COL3A1: variants seen among roughly 807,000 people sequenced by gnomAD.
COL3A1 encodes the protein collagen alpha-1(III) chain.
COL3A1 carries 46 observed loss-of-function variants against 200.9 expected under a neutral mutation model. The ratio of observed to expected loss-of-function variants is 0.23; its 90% CI spans 0.18 to 0.29. COL3A1 has a LOEUF of 0.29. COL3A1 is among the 10% of genes least tolerant of loss of function. The probability of loss-of-function intolerance (pLI) is 1.00; values close to 1 mark genes in which losing one functional copy is unlikely to be tolerated. For synonymous variants in COL3A1, 650 were observed against 628.0 expected, an observed-to-expected ratio of 1.03 and a Z score of -0.52; for missense variants, 1,367 against 1,917.6, an observed-to-expected ratio of 0.71 and a Z score of 5.36.
rs1688386066 is a variant in COL3A1 at position 188,998,707 on chromosome 2, C to A, written c.2011C>A (p.Pro671Thr). 2.5e-6 allele frequency: 4 copies of A among 1,613,758 alleles called. No homozygotes were observed. Among genetic ancestry groups the A allele is most frequent in the Non-Finnish European group, 3.4e-6 (4 of 1,179,886 alleles). The change falls in exon 29 of 51, where the codon CCA becomes ACA. Residue 671 changes from proline (P) to threonine (T), a missense_variant. By Grantham distance (38) the Pro-to-Thr change is conservative. Coordinates refer to ENST00000304636, the MANE Select transcript of COL3A1 (RefSeq NM_000090.4). ...GGGTGATGCCGGTGCACCTGGAGCTCCAGGAGGCAAGGTAGTATTTCAATT... is the reference window on the plus strand; with the variant it reads ...GGGTGATGCCGGTGCACCTGGAGCTACAGGAGGCAAGGTAGTATTTCAATT... ...PKGDAGAPGA[P>T]GGKGDAGAPG... is the part of the protein sequence containing the mutation.
intron 31 of COL3A1, 48 bp downstream of exon 31, chr2:188,999,625 G>A (rs1688409830): frequency 6.9e-7 from 1 of 1,441,274 alleles, no homozygotes; most frequent in Non-Finnish European, 9.5e-7. Flanking sequence ...GTCATTGTAG[G>A]TTTTAAAAAA....
chr2:188,998,482 TTATA>T (rs773980066), intron 28 of COL3A1, among the ~76,000 whole-genome samples, 163 bp downstream of exon 28: 8 of 152,232 alleles, frequency 5.3e-5, no homozygotes, highest in Non-Finnish European at 7.3e-5. Flanking sequence ...AAGATAACTA[TTATA>T]TAGAGTTTGA....
At chr2:188,997,416 A>C (rs1157446466) in intron 26 of COL3A1, 27 bp downstream of exon 26, 1 of 1,606,170 alleles carries the variant, frequency 6.2e-7, no homozygotes, top group South Asian at 1.1e-5. Context: ...AAAATTGGAG[A>C]TGAAAATAGG....
chr2:188,997,561 C>A, intron 26 of COL3A1, 139 bp from the exon 27 acceptor site: 1 of 1,118,368 alleles, frequency 8.9e-7, no homozygotes, highest in Non-Finnish European at 1.3e-6. Flanking sequence ...TTAGAGTGTA[C>A]ATGTGTGCTT....
In COL3A1 at chr2:189,011,899, A is replaced by G; in HGVS notation, c.*125A>G. ...AGTTATTTATTTCCAAAATGTTTGG[A>G]AACAGTATAATTTGACAAAGAAAAA... On this transcript the variant is annotated 3_prime_UTR_variant, in exon 51 of 51. Coordinates refer to ENST00000304636, the MANE Select transcript of COL3A1 (RefSeq NM_000090.4). 9.4e-7 allele frequency: 1 copy of G among 1,068,038 alleles called. No individual in the cohort carries two copies. Among genetic ancestry groups the G allele is most frequent in the Middle Eastern group, 2.9e-4 (1 of 3,440 alleles). 66.2% of individuals were successfully genotyped at this position (1,068,038 alleles called of 1,614,324 possible).
intron 4 of COL3A1, 67 bp downstream of exon 4, chr2:188,985,845 C>A: frequency 1.9e-6 from 2 of 1,031,040 alleles, no homozygotes; most frequent in East Asian, 2.4e-5. Flanking sequence ...TTTCTTTACT[C>A]GATATTACGT....
rs1559063554 is a variant in COL3A1 at position 189,010,384 on chromosome 2, T to C, written c.4011+19T>C. 1.2e-6 allele frequency: 2 copies of C among 1,612,728 alleles called. No homozygotes were observed. Among genetic ancestry groups the C allele is most frequent in the Non-Finnish European group, 1.7e-6 (2 of 1,178,878 alleles). On this transcript the variant is annotated intron_variant, in intron 49 of 50. Transcript: ENST00000304636. ...TTTTCAGGTAGGAAAGGATATACCT[T>C]TTTTTAAATAAGTCACCTCTATATC...
intron 32 of COL3A1, 80 bp downstream of exon 32, chr2:188,999,975 C>G: frequency 7.3e-7 from 1 of 1,372,440 alleles, no homozygotes; most frequent in Non-Finnish European, 1.0e-6. Flanking sequence ...TTAATTTTTT[C>G]CAAAAACTAC....
rs1003731350 is a variant in COL3A1 at position 189,012,454 on chromosome 2, T to A, written c.*680T>A. On this transcript the variant is annotated 3_prime_UTR_variant, in exon 51 of 51. Coordinates refer to ENST00000304636, the MANE Select transcript of COL3A1 (RefSeq NM_000090.4). ...TTGGGAAGGCTTTAAAGACGCATGT[T>A]ATGGTGCTAATGTACTTTCACTTTT... 1 of 152,820 alleles carries A rather than the reference T, an allele frequency of 6.5e-6. No homozygotes were observed. Among genetic ancestry groups the A allele is most frequent in the African/African-American group, 2.4e-5 (1 of 41,454 alleles). 9.5% of individuals were successfully genotyped at this position (152,820 alleles called of 1,614,324 possible). A position where few individuals can be genotyped will look rare whatever the true frequency, so the allele number is the denominator to read the frequency against.
Position 189,001,702 on chromosome 2 carries a change from T to C in COL3A1, c.2391+113T>C, listed in dbSNP as rs560381610. 3.8e-6 allele frequency: 4 copies of C among 1,066,316 alleles called. No individual in the cohort carries two copies. In the South Asian group the frequency reaches 5.1e-5, roughly 14 times the overall value. 66.1% of individuals were successfully genotyped at this position (1,066,316 alleles called of 1,614,324 possible). A position where few individuals can be genotyped will look rare whatever the true frequency, so the allele number is the denominator to read the frequency against. On this transcript the variant is annotated intron_variant, in intron 34 of 50. Transcript: ENST00000304636. The stretch of plus-strand genomic sequence containing the variant: ...AGTTCCCTGAGCCTCAATTTGGAGA[T>C]ATTATCTTCAAAAACCATATAAGGA...
intron 25 of COL3A1, 29 bp from the exon 26 acceptor site, chr2:188,997,307 T>C: frequency 6.2e-7 from 1 of 1,613,634 alleles, no homozygotes; most frequent in Non-Finnish European, 8.5e-7. Flanking sequence ...CTGTATTATT[T>C]CTACTTCCCT....
In COL3A1 at chr2:188,992,208, C is replaced by A; in HGVS notation, c.976C>A (p.Arg326=). 1 of 1,613,656 alleles carries A rather than the reference C, an allele frequency of 6.2e-7. No individual in the cohort carries two copies. Among genetic ancestry groups the A allele is most frequent in the African/African-American group, 1.3e-5 (1 of 74,922 alleles). Residue 326 remains arginine, a synonymous_variant, in exon 14 of 51, where the codon CGA becomes AGA. Transcript: ENST00000304636. ...GGGTGCTCGGGGTAATGACGGTGCT[C>A]GAGGCAGTGATGGTCAACCAGTAAG... ...AAGARGNDGA[R]GSDGQPGPPG... is the part of the protein sequence containing the mutation.
chr2:188,989,023 A>T lies in COL3A1; in HGVS notation c.637-373A>T, dbSNP rs573534853. Among the ~76,000 whole-genome samples the T allele has an allele frequency of 9.3e-4, 141 of 151,916 alleles. 3 individuals carry two copies. The South Asian group carries it at 0.028, about 30-fold the overall frequency. The stretch of plus-strand genomic sequence containing the variant: ...ATATACATATATCTTAGACAGTAGA[A>T]ATAAACATAATCTTAGAGAGTCCTT... On this transcript the variant is annotated intron_variant, in intron 7 of 50. Transcript: ENST00000304636.
Position 188,999,282 on chromosome 2 carries a change from C to T in COL3A1, c.2023-3C>T, listed in dbSNP as rs1258413957. On this transcript the variant is annotated splice_region_variant and splice_polypyrimidine_tract_variant and intron_variant, in intron 29 of 50. Coordinates refer to ENST00000304636, the MANE Select transcript of COL3A1 (RefSeq NM_000090.4). ...TATGGTTATTTACATATTTTTGTCA[C>T]AGGGTGATGCTGGTGCCCCTGGTGA... 1 of 1,566,018 alleles carries T rather than the reference C, an allele frequency of 6.4e-7. No individual in the cohort carries two copies. The highest frequency in any genetic ancestry group is 8.7e-7 in the Non-Finnish European group (1 of 1,154,562).
chr2:189,007,982 G>A (rs1436195458), intron 46 of COL3A1, 44 bp downstream of exon 46: 1 of 1,613,872 alleles, frequency 6.2e-7, no homozygotes, highest in African/African-American at 1.3e-5. Flanking sequence ...TGTTTCAGAT[G>A]TCTGCATTTC....
intron 1 of COL3A1, among the ~76,000 whole-genome samples, chr2:188,975,787 C>T (rs551939382): frequency 6.6e-6 from 1 of 151,772 alleles, no homozygotes; most frequent in African/African-American, 2.4e-5. Context: ...CCTTAATTTC[C>T]TCTCCTCCTT....
rs144260440 is a variant in COL3A1 at position 188,996,429 on chromosome 2, C to A, written c.1694C>A (p.Pro565His). 20 of 1,613,756 alleles carry A rather than the reference C, an allele frequency of 1.2e-5. No homozygotes were observed. The African/African-American group carries it at 2.7e-4, about 22-fold the overall frequency. The change falls in exon 24 of 51, where the codon CCT becomes CAT. Residue 565 changes from proline (P) to histidine (H), a missense_variant. This residue lies in a region of COL3A1 where 462 missense variants were observed against 681.4 expected (regional missense o/e 0.68). Coordinates refer to ENST00000304636, the MANE Select transcript of COL3A1 (RefSeq NM_000090.4). Reference sequence around the variant, plus strand: ...CAAGGAGAAAGTGGTCGACCAGGTCCTCCTGGGCCATCTGGTCCCCGAGGT... The same window carrying A: ...CAAGGAGAAAGTGGTCGACCAGGTCATCCTGGGCCATCTGGTCCCCGAGGT... ...GSQGESGRPGPPGPSGPRGQP... is the reference protein window; with the variant it reads ...GSQGESGRPGHPGPSGPRGQP...
At chr2:188,996,270 GTA>G (rs770678143) in intron 23 of COL3A1, 92 bp downstream of exon 23, 835 of 678,326 alleles carry the variant, frequency 1.2e-3, no homozygotes, top group Admixed American at 2.3e-3. Context: ...GTGTGTGTGT[GTA>G]TATATATATA....
chr2:188,984,985 C>T (rs1222098783), intron 2 of COL3A1, 23 bp downstream of exon 2: 19 of 1,600,450 alleles, frequency 1.2e-5, no homozygotes, highest in Non-Finnish European at 1.6e-5. Context: ...ATAAACTGTA[C>T]ATCTTCAATA....
Sources: gnomAD v4.1 joint callset for allele counts (sites outside exome capture counted in the v4.1 genomes callset) on GRCh38, gnomAD v4.1.1 for gene constraint, gnomAD v4.1.1 regional missense constraint, MANE v1.5 for transcripts, NCBI Gene and HGNC (gene_info 2026-07-23, HGNC 2026-07-21) for gene names.